The following MARCHF3 variants were observed in gnomAD, a reference collection of about 807,000 sequenced individuals.
MARCHF3 encodes membrane associated ring-CH-type finger 3.
A neutral mutation model predicts 24.2 loss-of-function variants in MARCHF3; 13 were observed. The ratio of observed to expected loss-of-function variants is 0.54; its 90% CI spans 0.35 to 0.85. MARCHF3 has a LOEUF of 0.85. MARCHF3 is among the 40% of genes least tolerant of loss of function. The pLI, the probability that MARCHF3 is intolerant of heterozygous loss-of-function variation, is 0.01. For missense variants in MARCHF3, 276 were observed against 325.0 expected (o/e 0.85, Z 1.16); for synonymous variants, 144 against 137.3 (o/e 1.05, Z -0.34).
chr5:127,012,018 C>T (rs1294166374), intron 1 of MARCHF3, among the ~76,000 whole-genome samples: 2 of 152,198 alleles, frequency 1.3e-5, no homozygotes, highest in African/African-American at 4.8e-5. Context: ...CCTTCCACTT[C>T]TTTGGACGAC....
At chr5:126,887,190 A>T (rs1046885516) in intron 3 of MARCHF3, among the ~76,000 whole-genome samples, 2 of 152,226 alleles carry the variant, frequency 1.3e-5, no homozygotes, top group Admixed American at 1.3e-4. Flanking sequence ...TGCATAGTTT[A>T]GCCCAGGTGT....
chr5:127,017,476 A>G (rs887791988), intron 1 of MARCHF3, among the ~76,000 whole-genome samples: 1 of 152,236 alleles, frequency 6.6e-6, no homozygotes, highest in African/African-American at 2.4e-5. Flanking sequence ...AAAATATCGT[A>G]TACCAAAATG....
At chr5:126,933,409 T>C (rs891425966) in intron 1 of MARCHF3, among the ~76,000 whole-genome samples, 2 of 152,206 alleles carry the variant, frequency 1.3e-5, no homozygotes, top group African/African-American at 4.8e-5. Context: ...AATAACAGAA[T>C]TTTCCGCTGT....
At chr5:126,999,691 C>T (rs1752063355) in intron 1 of MARCHF3, among the ~76,000 whole-genome samples, 1 of 152,208 alleles carries the variant, frequency 6.6e-6, no homozygotes. Context: ...AGATGGTCAA[C>T]TCCTCTACCA....
intron 1 of MARCHF3, among the ~76,000 whole-genome samples, chr5:126,927,640 A>G (rs571502018): frequency 1.3e-5 from 2 of 152,264 alleles, no homozygotes; most frequent in South Asian, 2.1e-4. Flanking sequence ...TTTCAGTGGG[A>G]GGACCGGCAT....
At chr5:126,948,787 C>G (rs1751987151) in intron 1 of MARCHF3, among the ~76,000 whole-genome samples, 1 of 152,082 alleles carries the variant, frequency 6.6e-6, no homozygotes, top group Non-Finnish European at 1.5e-5. Flanking sequence ...GTGGATGAAA[C>G]CCCCATATGA....
In MARCHF3 at chr5:126,870,786, T is replaced by G. The variant is rs371395798; in HGVS notation, c.609A>C (p.Ser203=). Residue 203 remains serine (S), a synonymous_variant, in exon 5 of 5, where the codon TCA becomes TCC. Coordinates refer to ENST00000308660, the MANE Select transcript of MARCHF3 (RefSeq NM_178450.5). The part of the protein sequence containing the change: ...FTIYLFWTLV[S]FRYHCRLYNE... ...TGTACAATCGACAGTGGTACCTAAA[T>G]GACACCTGGGGATGGGAGAGGAAAA... is the stretch of plus-strand genomic sequence containing the variant. 2.5e-6 allele frequency: 4 copies of G among 1,614,082 alleles called. No individual in the cohort carries two copies. The highest frequency in any genetic ancestry group is 3.4e-6 in the Non-Finnish European group (4 of 1,179,958).
At chr5:126,901,397 G>A (rs1754101699) in intron 3 of MARCHF3, among the ~76,000 whole-genome samples, 1 of 152,082 alleles carries the variant, frequency 6.6e-6, no homozygotes, top group Admixed American at 6.6e-5. Context: ...CTGGAATCAA[G>A]ATCTGTGCCT....
At chr5:126,982,629 GC>G (rs1751429158) in intron 1 of MARCHF3, among the ~76,000 whole-genome samples, 1 of 152,188 alleles carries the variant, frequency 6.6e-6, no homozygotes, top group South Asian at 2.1e-4. Context: ...ACAAGCAAGG[GC>G]TTTCACATCA....
chr5:126,966,448 T>C (rs1267113474), intron 1 of MARCHF3, among the ~76,000 whole-genome samples: 2 of 148,028 alleles, frequency 1.4e-5, no homozygotes, highest in Non-Finnish European at 2.9e-5. Flanking sequence ...AAGAGTTTTC[T>C]GTATCCAATG....
intron 3 of MARCHF3, among the ~76,000 whole-genome samples, chr5:126,913,293 G>A (rs1276627291): frequency 6.6e-6 from 1 of 152,252 alleles, no homozygotes; most frequent in African/African-American, 2.4e-5. Context: ...CTATTTCAAA[G>A]CAGGACTTCC....
intron 4 of MARCHF3, among the ~76,000 whole-genome samples, chr5:126,874,890 G>T (rs1753097473): frequency 6.6e-6 from 1 of 152,148 alleles, no homozygotes; most frequent in Non-Finnish European, 1.5e-5. Context: ...CGTTCCATTG[G>T]CAGTTCCCCC....
intron 3 of MARCHF3, 85 bp downstream of exon 3, chr5:126,914,845 T>C: frequency 7.4e-7 from 1 of 1,346,842 alleles, no homozygotes; most frequent in Non-Finnish European, 1.0e-6. Flanking sequence ...TCAGTAAAGC[T>C]GTACAGGGCT....
intron 3 of MARCHF3, 22 bp from the exon 4 acceptor site, chr5:126,878,416 A>C: frequency 6.3e-7 from 1 of 1,597,810 alleles, no homozygotes; most frequent in African/African-American, 1.3e-5. Flanking sequence ...AGGGAGACAG[A>C]GAAGAGCAAG....
At chr5:126,931,193 T>C (rs1256965802) in intron 1 of MARCHF3, among the ~76,000 whole-genome samples, 1 of 152,186 alleles carries the variant, frequency 6.6e-6, no homozygotes, top group African/African-American at 2.4e-5. Flanking sequence ...AGGAAATGCA[T>C]GCCAAGGAGG....
intron 1 of MARCHF3, among the ~76,000 whole-genome samples, chr5:126,929,774 G>A (rs1404978990): frequency 1.3e-5 from 2 of 152,182 alleles, no homozygotes; most frequent in Non-Finnish European, 2.9e-5. Context: ...TTGTGGGAGG[G>A]ACCTGGTGGG....
In MARCHF3 at chr5:126,918,006, C is replaced by A. The variant is rs755354854; in HGVS notation, c.166G>T (p.Val56Leu). Residue 56 changes from valine to leucine, a missense_variant, in exon 2 of 5, where the codon GTG (valine) becomes TTG (leucine). By Grantham distance (32) the Val-to-Leu change is conservative (BLOSUM62 1). Coordinates refer to ENST00000308660, the MANE Select transcript of MARCHF3 (RefSeq NM_178450.5). ...AKDGQLLSTV[V>L]RTLATQSPFN... ...TACCTCTGGGTGGCAAGAGTCCGCA[C>A]TACTGTTGACAGCAGCTGCCCGTCC... The A allele has an allele frequency of 6.2e-7, 1 of 1,614,114 alleles. No homozygotes were observed. Among genetic ancestry groups the A allele is most frequent in the Admixed American group, 1.7e-5 (1 of 60,018 alleles).
intron 1 of MARCHF3, among the ~76,000 whole-genome samples, chr5:126,933,699 CT>C (rs1404691179): frequency 6.6e-6 from 1 of 152,160 alleles, no homozygotes; most frequent in Non-Finnish European, 1.5e-5. Context: ...ATGCCTTGGC[CT>C]CCCAAAGTGC....
chr5:126,993,797 C>T (rs1751855547), intron 1 of MARCHF3, among the ~76,000 whole-genome samples: 1 of 152,210 alleles, frequency 6.6e-6, no homozygotes, highest in South Asian at 2.1e-4. Flanking sequence ...GCCAGAACAA[C>T]CCAATCAACA....
Sources: gnomAD v4.1 joint callset for allele counts (sites outside exome capture counted in the v4.1 genomes callset) on GRCh38, gnomAD v4.1.1 for gene constraint, MANE v1.5 for transcripts, NCBI Gene and HGNC (gene_info 2026-07-23, HGNC 2026-07-21) for gene names.